Variants in SLMAP observed in about 807,000 individuals in gnomAD.
SLMAP encodes the protein sarcolemma associated protein.
SLMAP carries 44 observed loss-of-function variants against 128.8 expected under a neutral mutation model. The observed-to-expected ratio is 0.34, with a 90% CI of 0.27 to 0.44. The LOEUF (loss-of-function observed/expected upper bound fraction) is 0.44, where lower values mean the gene tolerates loss of function less well. Ranked by LOEUF, SLMAP falls within the 20% of genes least tolerant of loss-of-function variation. The probability of loss-of-function intolerance (pLI) is 1.00; values close to 1 mark genes in which losing one functional copy is unlikely to be tolerated. For missense variants in SLMAP, 787 were observed against 985.3 expected (o/e 0.80, Z 2.69); for synonymous variants, 327 against 348.8 (o/e 0.94, Z 0.70).
chr3:57,811,710 A>G (rs1192309978), intron 2 of SLMAP, among the ~76,000 whole-genome samples: 1 of 152,202 alleles, frequency 6.6e-6, no homozygotes, highest in Non-Finnish European at 1.5e-5. Context: ...CCAACAGTGC[A>G]TAAGGGTTCC....
intron 8 of SLMAP, among the ~76,000 whole-genome samples, chr3:57,858,941 TCAA>T (rs900798293): frequency 5.8e-4 from 88 of 151,748 alleles, no homozygotes; most frequent in Middle Eastern, 6.9e-3. Flanking sequence ...AAACTCTGTC[TCAA>T]CAACAACAAC....
intron 2 of SLMAP, among the ~76,000 whole-genome samples, chr3:57,775,390 G>A (rs963155388): frequency 6.6e-6 from 1 of 151,880 alleles, no homozygotes; most frequent in African/African-American, 2.4e-5. Context: ...ACTTGTGGCT[G>A]GGCCAGGCAT....
At chr3:57,922,546 A>C (rs1172009693) in intron 22 of SLMAP, among the ~76,000 whole-genome samples, 1 of 149,330 alleles carries the variant, frequency 6.7e-6, no homozygotes, top group Non-Finnish European at 1.5e-5. Context: ...TTCCTGTCTC[A>C]GCCTCCCGAG....
At position 57,756,936 on chromosome 3, in the gene SLMAP, C is replaced by G. The variant is rs754606326; in HGVS notation, c.-716C>G. 1.3e-5 allele frequency: 2 copies of G among 152,546 alleles called. No homozygotes were observed. The highest frequency in any genetic ancestry group is 2.9e-5 in the Non-Finnish European group (2 of 68,330). The allele number at this position is 152,546 out of a possible 1,614,324, so 9.4% of individuals were successfully genotyped here. ...CCAGGAGTCCCGACTTGGCCACTGC[C>G]CGCGCCCCGCCGGCCTCCACGCCTC... On this transcript the variant is annotated 5_prime_UTR_variant, in exon 2 of 25. Transcript: ENST00000671191.
Position 57,913,207 on chromosome 3 carries a change from C to T in SLMAP, c.2070C>T (p.Cys690=), listed in dbSNP as rs1358955761. 2 of 1,600,110 alleles carry T rather than the reference C, an allele frequency of 1.2e-6. No homozygotes were observed. The highest frequency in any genetic ancestry group is 2.7e-5 in the African/African-American group (2 of 74,826). Residue 690 remains cysteine, a synonymous_variant, in exon 21 of 25, where the codon TGC becomes TGT. Coordinates refer to ENST00000671191, the MANE Select transcript of SLMAP (RefSeq NM_001377540.1). ...AATGGAATGCATTGGAAACCGAATG[C>T]CATTCTCTAAAAAGGGAAAATGTTT... ...RKEWNALETE[C]HSLKRENVLL... is the part of the protein sequence containing the mutation.
chr3:57,865,871 G>A (rs566737717), intron 13 of SLMAP, among the ~76,000 whole-genome samples: 2 of 152,250 alleles, frequency 1.3e-5, no homozygotes, highest in South Asian at 4.1e-4. Flanking sequence ...ACTACACGGG[G>A]TACTTTTTAC....
At chr3:57,837,692 A>G (rs1199533708) in intron 3 of SLMAP, among the ~76,000 whole-genome samples, 1 of 152,166 alleles carries the variant, frequency 6.6e-6, no homozygotes, top group Non-Finnish European at 1.5e-5. Flanking sequence ...TAAACCAAGC[A>G]TTTCCCAAAC....
At chr3:57,769,988 T>A (rs1305595021) in intron 2 of SLMAP, among the ~76,000 whole-genome samples, 2 of 152,180 alleles carry the variant, frequency 1.3e-5, no homozygotes, top group Non-Finnish European at 2.9e-5. Flanking sequence ...TAAGATTGAT[T>A]TTACTTACCA....
chr3:57,924,816 TAGAG>T (rs2096973755), intron 23 of SLMAP, among the ~76,000 whole-genome samples: 1 of 151,988 alleles, frequency 6.6e-6, no homozygotes, highest in Non-Finnish European at 1.5e-5. Context: ...AAAAATTTGT[TAGAG>T]GGATAAAATA....
At chr3:57,850,759 G>A (rs932182108) in intron 6 of SLMAP, among the ~76,000 whole-genome samples, 1 of 152,038 alleles carries the variant, frequency 6.6e-6, no homozygotes, top group African/African-American at 2.4e-5. Flanking sequence ...TCAGCCTCCT[G>A]AGTGGCTGGG....
Position 57,925,872 on chromosome 3 carries a change from G to A in SLMAP, c.2473G>A (p.Val825Ile), listed in dbSNP as rs1029002714. The A allele has an allele frequency of 1.0e-5, 16 of 1,550,808 alleles. No individual in the cohort carries two copies. Among genetic ancestry groups the A allele is most frequent in the Middle Eastern group, 1.7e-4 (1 of 6,020 alleles). Residue 825 changes from valine (V) to isoleucine (I), a missense_variant, in exon 24 of 25, where the codon GTA becomes ATA. Physicochemically the swap from Val to Ile is conservative, Grantham distance 29. Coordinates refer to ENST00000671191, the MANE Select transcript of SLMAP (RefSeq NM_001377540.1). ...TTCCATATTACAACCCGTCCCAGCC[G>A]TATTCATCGGCCTATTCCTGGCTTT... is the stretch of plus-strand genomic sequence containing the variant. ...NPSILQPVPA[V>I]FIGLFLAFLF...
intron 2 of SLMAP, among the ~76,000 whole-genome samples, chr3:57,824,945 A>G (rs367780788): frequency 1.3e-3 from 193 of 152,332 alleles, no homozygotes; most frequent in African/African-American, 3.9e-3. Flanking sequence ...AATATTTTAC[A>G]GTTTTTAAAT....
In SLMAP at chr3:57,872,829, G is replaced by A. The variant is rs150068786; in HGVS notation, c.1300+1131G>A. ...GTAAAGATTTGTTGATAATGTCTGC[G>A]GTTTTTCCCATCAAGCAAATACTTT... On this transcript the variant is annotated intron_variant, in intron 14 of 24. Transcript: ENST00000671191. Among the ~76,000 whole-genome samples the A allele has an allele frequency of 1.1e-3, 169 of 152,230 alleles. 1 individual carries two copies. Among genetic ancestry groups the A allele is most frequent in the African/African-American group, 3.9e-3 (163 of 41,538 alleles).
chr3:57,778,875 GACAA>G (rs1490171637), intron 2 of SLMAP, among the ~76,000 whole-genome samples: 1 of 151,994 alleles, frequency 6.6e-6, no homozygotes, highest in African/African-American at 2.4e-5. Context: ...TAACCATTTT[GACAA>G]ACAGTGTGAC....
chr3:57,859,250 G>T (rs1223421070), intron 8 of SLMAP, among the ~76,000 whole-genome samples: 1 of 151,770 alleles, frequency 6.6e-6, no homozygotes, highest in African/African-American at 2.4e-5. Context: ...AAACCCGGTG[G>T]GGGTGGAGGT....
At chr3:57,792,471 A>G (rs150773689) in intron 2 of SLMAP, among the ~76,000 whole-genome samples, 2 of 152,000 alleles carry the variant, frequency 1.3e-5, no homozygotes, top group African/African-American at 4.8e-5. Context: ...TCTTAGTTTA[A>G]TTAGTATTGA....
In SLMAP at chr3:57,912,444, C is replaced by A. The variant is rs533425874; in HGVS notation, c.1763C>A (p.Thr588Lys). 6.2e-7 allele frequency: 1 copy of A among 1,614,114 alleles called. No individual in the cohort carries two copies. The highest frequency in any genetic ancestry group is 1.1e-5 in the South Asian group (1 of 91,084). The change falls in exon 20 of 25, where the codon ACA becomes AAA. Residue 588 changes from threonine (T) to lysine (K), a missense_variant. Physicochemically the swap from Thr to Lys is moderately conservative, Grantham distance 78. Coordinates refer to ENST00000671191, the MANE Select transcript of SLMAP (RefSeq NM_001377540.1). ...NLREEKDSEI[T>K]STRDELLSAR... ...CGGGAGGAGAAGGACAGTGAAATCACAAGTACTAGAGATGAATTGCTTAGT... is the reference window on the plus strand; with the variant it reads ...CGGGAGGAGAAGGACAGTGAAATCAAAAGTACTAGAGATGAATTGCTTAGT...
intron 14 of SLMAP, among the ~76,000 whole-genome samples, chr3:57,888,054 G>T (rs1409091662): frequency 6.6e-6 from 1 of 152,134 alleles, no homozygotes; most frequent in Non-Finnish European, 1.5e-5. Flanking sequence ...TTTACCTTCT[G>T]TCCACCCCTT....
chr3:57,883,190 G>A (rs2095793410), intron 14 of SLMAP, among the ~76,000 whole-genome samples: 1 of 152,154 alleles, frequency 6.6e-6, no homozygotes, highest in African/African-American at 2.4e-5. Flanking sequence ...AGGAATAGAG[G>A]CTTAGTGAGG....
Sources: allele counts gnomAD v4.1 joint callset (sites outside exome capture counted in the v4.1 genomes callset), GRCh38; gene constraint gnomAD v4.1.1; transcripts MANE v1.5; gene names NCBI Gene and HGNC (gene_info 2026-07-23, HGNC 2026-07-21).